PTK2: variants seen among roughly 807,000 people sequenced by gnomAD.
The protein encoded by PTK2 is focal adhesion kinase 1.
A neutral mutation model predicts 150.1 loss-of-function variants in PTK2; 45 were observed. The observed-to-expected ratio is 0.30, with a 90% CI of 0.24 to 0.38. The LOEUF is 0.38. Ranked by LOEUF, PTK2 falls within the 10% of genes least tolerant of loss-of-function variation. The pLI, the probability that PTK2 is intolerant of heterozygous loss-of-function variation, is 1.00. For missense variants in PTK2, 919 were observed against 1,307.3 expected (o/e 0.70, Z 4.58); for synonymous variants, 432 against 449.2 (o/e 0.96, Z 0.48).
intron 26 of PTK2, among the ~76,000 whole-genome samples, chr8:140,697,852 G>GTTTTTTTTTTTTTTT (rs71308981): frequency 2.1e-5 from 1 of 48,026 alleles, no homozygotes; most frequent in African/African-American, 9.0e-5. Flanking sequence ...AGGGTTTACT[G>GTTTTTTTTTTTTTTT]TTTTTTTTTT....
intron 22 of PTK2, among the ~76,000 whole-genome samples, chr8:140,733,063 G>C (rs943060274): frequency 9.9e-5 from 15 of 152,180 alleles, no homozygotes. Context: ...TTTGACCAGG[G>C]GAGTTATTTT....
chr8:140,950,371 C>T (rs377642650), intron 1 of PTK2, among the ~76,000 whole-genome samples: 15 of 152,362 alleles, frequency 9.8e-5, no homozygotes, highest in Middle Eastern at 3.4e-3. Context: ...CATCCAGATG[C>T]GGGTTTCCAC....
At chr8:140,786,569 TCA>T (rs2100085080) in intron 14 of PTK2, among the ~76,000 whole-genome samples, 1 of 151,980 alleles carries the variant, frequency 6.6e-6, no homozygotes, top group African/African-American at 2.4e-5. Flanking sequence ...TAGAAACATA[TCA>T]CACCATTGAA....
At position 140,750,983 on chromosome 8, in the gene PTK2, C is replaced by T. The variant is rs191022730; in HGVS notation, c.1417+1249G>A. Among the ~76,000 whole-genome samples, 146 of 152,126 alleles carry T rather than the reference C, an allele frequency of 9.6e-4. No homozygotes were observed. The East Asian group carries it at 0.023, about 24-fold the overall frequency. Reference sequence around the variant, plus strand: ...ACAAAAAATTAGCTGGATGTGGTGGCGCCCATCTGTAGTACCAGGTATTTG... The same window carrying T: ...ACAAAAAATTAGCTGGATGTGGTGGTGCCCATCTGTAGTACCAGGTATTTG... On this transcript the variant is annotated intron_variant, in intron 17 of 31. Transcript: ENST00000522684.
intron 1 of PTK2, among the ~76,000 whole-genome samples, chr8:140,953,076 T>G (rs2100180042): frequency 6.6e-6 from 1 of 152,190 alleles, no homozygotes; most frequent in East Asian, 1.9e-4. Context: ...TTAAATAATT[T>G]GATTAAAATT....
intron 13 of PTK2, 107 bp downstream of exon 13, chr8:140,793,247 C>A: frequency 8.3e-7 from 1 of 1,198,490 alleles, no homozygotes. Context: ...GTTCCTTGAT[C>A]ATGTATATTG....
chr8:140,824,483 C>T (rs2100110688), intron 8 of PTK2, among the ~76,000 whole-genome samples: 1 of 152,172 alleles, frequency 6.6e-6, no homozygotes, highest in Non-Finnish European at 1.5e-5. Flanking sequence ...CTCTCATTCT[C>T]CACCAACTAA....
At chr8:140,807,341 C>T (rs976051700) in intron 10 of PTK2, among the ~76,000 whole-genome samples, 1 of 152,186 alleles carries the variant, frequency 6.6e-6, no homozygotes, top group Admixed American at 6.5e-5. Flanking sequence ...GAGAACAAGA[C>T]TTGAGCAACA....
At chr8:140,986,423 A>G (rs755279339) in intron 1 of PTK2, among the ~76,000 whole-genome samples, 111 of 152,372 alleles carry the variant, frequency 7.3e-4, no homozygotes, top group Non-Finnish European at 2.6e-4. Flanking sequence ...ATAATCTTAA[A>G]AGCAACCACA....
In PTK2 at chr8:140,808,825, T is replaced by C. The variant is rs2100099734; in HGVS notation, c.868-5175A>G. 2.2e-5 allele frequency among the ~76,000 whole-genome samples: 3 copies of C among 139,244 alleles called. No individual in the cohort carries two copies. The Admixed American group carries it at 2.4e-4, about 11-fold the overall frequency. The allele number at this position is 139,244 out of a possible 152,430, so 91.3% of individuals were successfully genotyped here. A position where few individuals can be genotyped will look rare whatever the true frequency, so the allele number is the denominator to read the frequency against. The stretch of plus-strand genomic sequence containing the variant: ...ATCTCAGCTCACTGCAATCTCCACC[T>C]CCCGGGTTCAAGCGATTCTCCTGCC... On this transcript the variant is annotated intron_variant, in intron 10 of 31. Coordinates refer to ENST00000522684, the Ensembl canonical transcript of PTK2.
At chr8:140,728,652 G>T (rs2100047346) in intron 22 of PTK2, among the ~76,000 whole-genome samples, 1 of 152,156 alleles carries the variant, frequency 6.6e-6, no homozygotes, top group Admixed American at 6.5e-5. Flanking sequence ...CTGAGTAGCT[G>T]GGATTCACAG....
intron 22 of PTK2, among the ~76,000 whole-genome samples, chr8:140,731,282 T>C (rs887006048): frequency 6.6e-5 from 10 of 152,082 alleles, no homozygotes; most frequent in African/African-American, 2.4e-4. Context: ...ACTCAAAAAA[T>C]ATTTGGTGCG....
rs114991600 is a variant in PTK2, at chr8:140,724,007, C to T, written c.2031-6298G>A. On this transcript the variant is annotated intron_variant, in intron 22 of 31. Coordinates refer to ENST00000522684, the Ensembl canonical transcript of PTK2. ...CTTGATGGTGAGCAAGAAAGTAGTCCTTCATTTCCAGTATGGACAGCTAAG... is the reference window on the plus strand; with the variant it reads ...CTTGATGGTGAGCAAGAAAGTAGTCTTTCATTTCCAGTATGGACAGCTAAG... Among the ~76,000 whole-genome samples, 687 of 152,264 alleles carry T rather than the reference C, an allele frequency of 4.5e-3. 4 individuals carry two copies. Among genetic ancestry groups the T allele is most frequent in the African/African-American group, 0.016 (650 of 41,552 alleles).
intron 2 of PTK2, among the ~76,000 whole-genome samples, chr8:140,905,799 G>T (rs2100160640): frequency 6.6e-6 from 1 of 152,056 alleles, no homozygotes; most frequent in Non-Finnish European, 1.5e-5. Flanking sequence ...AAATGCAAAA[G>T]AATGGAAATC....
intron 7 of PTK2, among the ~76,000 whole-genome samples, chr8:140,844,397 G>T (rs1195469624): frequency 6.6e-6 from 1 of 151,878 alleles, no homozygotes; most frequent in Non-Finnish European, 1.5e-5. Flanking sequence ...AAATTATTTG[G>T]AATTTTTCTA....
chr8:140,763,091 A>G (rs944056227), intron 15 of PTK2, among the ~76,000 whole-genome samples: 1 of 152,160 alleles, frequency 6.6e-6, no homozygotes, highest in African/African-American at 2.4e-5. Context: ...AGTTAAACCT[A>G]AGTTTAAACA....
At chr8:140,691,387 T>C (rs376096046) in intron 26 of PTK2, among the ~76,000 whole-genome samples, 1 of 152,348 alleles carries the variant, frequency 6.6e-6, no homozygotes, top group South Asian at 2.1e-4. Flanking sequence ...CAATATGTGA[T>C]AGCATTTCTC....
At chr8:140,834,478 C>G (rs941098556) in intron 7 of PTK2, among the ~76,000 whole-genome samples, 8 of 152,174 alleles carry the variant, frequency 5.3e-5, no homozygotes, top group Non-Finnish European at 1.2e-4. Context: ...TTTCCTACTT[C>G]TCTCTCAGGA....
intron 10 of PTK2, among the ~76,000 whole-genome samples, chr8:140,804,575 T>C (rs916717353): frequency 2.6e-5 from 4 of 152,176 alleles, no homozygotes; most frequent in Non-Finnish European, 4.4e-5. Flanking sequence ...GAATCTTCCA[T>C]CCTTCTAGCA....
Sources: gnomAD v4.1 joint callset for allele counts (sites outside exome capture counted in the v4.1 genomes callset) on GRCh38, gnomAD v4.1.1 for gene constraint, MANE v1.5 for transcripts, NCBI Gene and HGNC (gene_info 2026-07-23, HGNC 2026-07-21) for gene names.